Variants in PRKN observed in about 807,000 individuals in gnomAD.
The protein encoded by PRKN is E3 ubiquitin-protein ligase parkin.
A neutral mutation model predicts 59.5 loss-of-function variants in PRKN; 56 were observed. The observed-to-expected ratio is 0.94, with a 90% CI of 0.76 to 1.18. The LOEUF is 1.18. PRKN is among the 50% of genes most tolerant of loss of function. PRKN has a pLI of 0.00. For synonymous variants in PRKN, 250 were observed against 222.1 expected, an observed-to-expected ratio of 1.13 and a Z score of -1.12; for missense variants, 657 against 596.4, an observed-to-expected ratio of 1.10 and a Z score of -1.06.
At chr6:161,620,023 T>A (rs933074619) in intron 7 of PRKN, among the ~76,000 whole-genome samples, 18 of 143,984 alleles carry the variant, frequency 1.3e-4, no homozygotes, top group African/African-American at 4.6e-4. Context: ...GGAGTCTTGC[T>A]CTGTCTCCCA....
At chr6:161,693,202 G>A (rs1267796688) in intron 7 of PRKN, among the ~76,000 whole-genome samples, 2 of 151,996 alleles carry the variant, frequency 1.3e-5, no homozygotes, top group Admixed American at 6.6e-5. Context: ...CCAATATAAT[G>A]TCATTTTAAA....
chr6:161,614,981 G>C (rs773633532), intron 7 of PRKN, among the ~76,000 whole-genome samples: 1 of 133,994 alleles, frequency 7.5e-6, no homozygotes, highest in African/African-American at 2.5e-5. Context: ...GAGAGAGAGA[G>C]AGAGAGAGAG....
At chr6:161,810,254 C>T (rs1486171673) in intron 6 of PRKN, among the ~76,000 whole-genome samples, 2 of 152,118 alleles carry the variant, frequency 1.3e-5, no homozygotes, top group Non-Finnish European at 2.9e-5. Context: ...CATCTGCAAG[C>T]GAGGAAGAGA....
chr6:161,374,483 T>C (rs1785572832), intron 10 of PRKN, among the ~76,000 whole-genome samples: 1 of 139,908 alleles, frequency 7.1e-6, no homozygotes, highest in South Asian at 2.3e-4. Flanking sequence ...GATGGGTGTG[T>C]GGTGTGTGTG....
chr6:162,597,507 GATT>G (rs1781537229), intron 1 of PRKN, among the ~76,000 whole-genome samples: 1 of 152,170 alleles, frequency 6.6e-6, no homozygotes, highest in Admixed American at 6.5e-5. Flanking sequence ...ACTCTGCTGT[GATT>G]ATATATTTGA....
Position 161,356,522 on chromosome 6 carries a change from T to G in PRKN, c.1285+3566A>C, listed in dbSNP as rs1405998932. Among the ~76,000 whole-genome samples, 1 of 152,072 alleles carries G rather than the reference T, an allele frequency of 6.6e-6. No individual in the cohort carries two copies. The highest frequency in any genetic ancestry group is 1.5e-5 in the Non-Finnish European group (1 of 67,996). On this transcript the variant is annotated intron_variant, in intron 11 of 11. Coordinates refer to ENST00000366898, the MANE Select transcript of PRKN (RefSeq NM_004562.3). The surrounding 1 kb of genome is among the most constrained non-coding windows in gnomAD (Gnocchi z 7.8). ...GCGAGAGTGGAGGCGAGAGCCCTTT[T>G]GGGAAGCTGTGCTTGGAAGAGGAGG...
chr6:161,880,641 C>T (rs1794899944), intron 6 of PRKN, among the ~76,000 whole-genome samples: 1 of 152,144 alleles, frequency 6.6e-6, no homozygotes, highest in South Asian at 2.1e-4. Flanking sequence ...GCTTGGTCTC[C>T]ACCGGCCATG....
At chr6:161,849,551 C>T (rs1793339576) in intron 6 of PRKN, among the ~76,000 whole-genome samples, 1 of 152,212 alleles carries the variant, frequency 6.6e-6, no homozygotes, top group African/African-American at 2.4e-5. Flanking sequence ...CTTCCTCACA[C>T]TCCCATAGGG....
rs957447713 is a variant in PRKN, at chr6:162,056,630, T to C, written c.535-2456A>G. ...AAAAGCCTGCTTTCAAGCTTGGCCC[T>C]TGGCTGGCATCTGGGAATGTGAATT... is the stretch of plus-strand genomic sequence containing the variant. On this transcript the variant is annotated intron_variant, in intron 4 of 11. Transcript: ENST00000366898. This position sits in a 1 kb window ranked among gnomAD's most constrained non-coding sequence, Gnocchi z 4.9. Among the ~76,000 whole-genome samples the C allele has an allele frequency of 6.6e-6, 1 of 152,202 alleles. No individual in the cohort carries two copies. The highest frequency in any genetic ancestry group is 2.4e-5 in the African/African-American group (1 of 41,440).
intron 1 of PRKN, among the ~76,000 whole-genome samples, chr6:162,602,554 A>T (rs1781753902): frequency 6.6e-6 from 1 of 152,178 alleles, no homozygotes; most frequent in Non-Finnish European, 1.5e-5. Flanking sequence ...TGCAGTGGGG[A>T]CACAGAGCGG....
At chr6:161,571,297 GAGATA>G (rs1489115043) in intron 7 of PRKN, among the ~76,000 whole-genome samples, 1 of 152,088 alleles carries the variant, frequency 6.6e-6, no homozygotes, top group Non-Finnish European at 1.5e-5. Context: ...CTGTTTCTTT[GAGATA>G]AGACCTATGG....
chr6:162,408,633 A>G (rs2128153455), intron 2 of PRKN, among the ~76,000 whole-genome samples: 1 of 152,300 alleles, frequency 6.6e-6, no homozygotes, highest in East Asian at 1.9e-4. Context: ...GAAGCAATTT[A>G]CACATACAGA....
intron 1 of PRKN, among the ~76,000 whole-genome samples, chr6:162,674,418 G>A (rs756936327): frequency 5.3e-5 from 8 of 152,150 alleles, no homozygotes; most frequent in Admixed American, 1.3e-4. Context: ...AGTGATGTAG[G>A]AACTAGGACA....
chr6:162,092,439 C>T (rs558556079), intron 4 of PRKN, among the ~76,000 whole-genome samples: 39 of 152,298 alleles, frequency 2.6e-4, no homozygotes, highest in African/African-American at 8.7e-4. Context: ...CATTTATAGT[C>T]GGTGATTATT....
chr6:162,358,656 T>C (rs1338392207), intron 2 of PRKN, among the ~76,000 whole-genome samples: 2 of 152,114 alleles, frequency 1.3e-5, no homozygotes, highest in South Asian at 4.1e-4. Context: ...AACTCTTGAG[T>C]GGATGCATTC....
chr6:161,487,115 A>C lies in PRKN; in HGVS notation c.1083+61739T>G, dbSNP rs146027100. Among the ~76,000 whole-genome samples, 1 of 152,208 alleles carries C rather than the reference A, an allele frequency of 6.6e-6. No homozygotes were observed. Reference sequence around the variant, plus strand: ...GTTGAGGGGCGATGAGGTAAGAATGACTAATGCTTATGAACCATTGCCTGA... The same window carrying C: ...GTTGAGGGGCGATGAGGTAAGAATGCCTAATGCTTATGAACCATTGCCTGA... On this transcript the variant is annotated intron_variant, in intron 9 of 11. Transcript: ENST00000366898. The surrounding 1 kb of genome is among the most constrained non-coding windows in gnomAD (Gnocchi z 5.3).
At chr6:162,179,509 C>T (rs968877330) in intron 4 of PRKN, among the ~76,000 whole-genome samples, 2 of 152,164 alleles carry the variant, frequency 1.3e-5, no homozygotes, top group Non-Finnish European at 2.9e-5. Flanking sequence ...TCCCCTTCAG[C>T]CTGCTGCAGA....
At chr6:161,366,549 A>AT (rs1398188351) in intron 10 of PRKN, among the ~76,000 whole-genome samples, 1 of 152,238 alleles carries the variant, frequency 6.6e-6, no homozygotes, top group Non-Finnish European at 1.5e-5. Flanking sequence ...GTACTTCTGT[A>AT]TTTGAGTCCT....
chr6:161,379,734 C>T lies in PRKN; in HGVS notation c.1167+7060G>A, dbSNP rs1320971147. Among the ~76,000 whole-genome samples the T allele has an allele frequency of 6.6e-6, 1 of 152,220 alleles. No homozygotes were observed. Among genetic ancestry groups the T allele is most frequent in the Admixed American group, 6.5e-5 (1 of 15,286 alleles). Reference sequence around the variant, plus strand: ...ACAACTCAGAAGGCTCATCCAGCTCCAGAGCTCCTTCTAGGACCTGCTGTG... The same window carrying T: ...ACAACTCAGAAGGCTCATCCAGCTCTAGAGCTCCTTCTAGGACCTGCTGTG... On this transcript the variant is annotated intron_variant, in intron 10 of 11. Coordinates refer to ENST00000366898, the MANE Select transcript of PRKN (RefSeq NM_004562.3). This position sits in a 1 kb window ranked among gnomAD's most constrained non-coding sequence, Gnocchi z 4.9.
Sources: gnomAD v4.1 joint callset for allele counts (sites outside exome capture counted in the v4.1 genomes callset) on GRCh38, gnomAD v4.1.1 for gene constraint, Gnocchi (gnomAD v3.1) non-coding constraint, MANE v1.5 for transcripts, NCBI Gene and HGNC (gene_info 2026-07-23, HGNC 2026-07-21) for gene names.